OPCML: variants seen among roughly 807,000 people sequenced by gnomAD.
The protein encoded by OPCML is opioid binding protein/cell adhesion molecule like.
Under a neutral mutation model 37.8 loss-of-function variants are expected in OPCML, and 13 were observed. The observed-to-expected ratio is 0.34, with a 90% CI of 0.22 to 0.55. The LOEUF (loss-of-function observed/expected upper bound fraction) is 0.55. Ranked by LOEUF, OPCML falls within the 20% of genes least tolerant of loss-of-function variation. The probability of loss-of-function intolerance (pLI) is 0.91; values close to 1 mark genes in which losing one functional copy is unlikely to be tolerated. For missense variants in OPCML, 341 were observed against 435.6 expected, an observed-to-expected ratio of 0.78 and a Z score of 1.93; for synonymous variants, 176 against 168.8, an observed-to-expected ratio of 1.04 and a Z score of -0.33.
chr11:132,993,149 A>G (rs966518407), intron 1 of OPCML, among the ~76,000 whole-genome samples: 1 of 152,118 alleles, frequency 6.6e-6, no homozygotes, highest in Non-Finnish European at 1.5e-5. Context: ...CAATATAACT[A>G]TGTCATCCTT....
In OPCML at chr11:133,405,643, C is replaced by G. The variant is rs749781784; in HGVS notation, c.61+126621G>C. ...TTTCTTTTGCGTGATCTGGCTCTAGCGCTGGGGGAAGCAGAGCTTTGAGGC... is the reference window on the plus strand; with the variant it reads ...TTTCTTTTGCGTGATCTGGCTCTAGGGCTGGGGGAAGCAGAGCTTTGAGGC... On this transcript the variant is annotated intron_variant, in intron 1 of 7. Transcript: ENST00000524381. 2.6e-5 allele frequency among the ~76,000 whole-genome samples: 4 copies of G among 152,226 alleles called. No individual in the cohort carries two copies. The East Asian group carries it at 7.8e-4, about 30-fold the overall frequency.
rs115712243 is a variant in OPCML, at chr11:133,517,213, T to A, written c.61+15051A>T. Among the ~76,000 whole-genome samples, 365 of 152,380 alleles carry A rather than the reference T, an allele frequency of 2.4e-3. 2 individuals are homozygous for A. The highest frequency in any genetic ancestry group is 8.3e-3 in the African/African-American group (345 of 41,592). On this transcript the variant is annotated intron_variant, in intron 1 of 7. Transcript: ENST00000524381. Reference sequence around the variant, plus strand: ...AGGAATATCAGAATTCCTACTTTTATCTATTTTTATCTTACTCTTTTTATC... The same window carrying A: ...AGGAATATCAGAATTCCTACTTTTAACTATTTTTATCTTACTCTTTTTATC...
intron 1 of OPCML, among the ~76,000 whole-genome samples, chr11:133,495,080 C>T (rs114420394): frequency 0.022 from 3,394 of 151,974 alleles, 121 homozygotes; most frequent in African/African-American, 0.077. Flanking sequence ...CCCAAGTCAC[C>T]GAAGTTCATT....
intron 2 of OPCML, among the ~76,000 whole-genome samples, chr11:132,746,311 GTTTGT>G (rs1945634319): frequency 6.6e-6 from 1 of 151,166 alleles, no homozygotes; most frequent in Non-Finnish European, 1.5e-5. Flanking sequence ...TTTGTTTGTT[GTTTGT>G]TTTAACAAAA....
At position 133,359,375 on chromosome 11, in the gene OPCML, T is replaced by A. The variant is rs573211445; in HGVS notation, c.61+172889A>T. 2.6e-5 allele frequency among the ~76,000 whole-genome samples: 4 copies of A among 152,290 alleles called. No homozygotes were observed. In the South Asian group the frequency reaches 8.3e-4, roughly 32 times the overall value. ...TGTTCACATTCATGAGGATGCCATA[T>A]CCTAATGATGTTGTCTTGGAAGTGA... On this transcript the variant is annotated intron_variant, in intron 1 of 7. Transcript: ENST00000524381.
At chr11:132,499,187 G>T (rs1054936220) in intron 4 of OPCML, among the ~76,000 whole-genome samples, 6 of 152,202 alleles carry the variant, frequency 3.9e-5, no homozygotes, top group Non-Finnish European at 7.3e-5. Context: ...GGTGCAGGGA[G>T]CTGAGGAAAG....
chr11:133,080,382 G>T (rs1298523941), intron 1 of OPCML, among the ~76,000 whole-genome samples: 1 of 152,062 alleles, frequency 6.6e-6, no homozygotes, highest in Non-Finnish European at 1.5e-5. Flanking sequence ...CGGTGAGTAG[G>T]AAGGCCCTAA....
At chr11:132,947,287 C>T (rs1945765029) in intron 1 of OPCML, among the ~76,000 whole-genome samples, 2 of 152,178 alleles carry the variant, frequency 1.3e-5, no homozygotes, top group Non-Finnish European at 2.9e-5. Flanking sequence ...TGGGCAGAAG[C>T]GAGGTGTAAA....
chr11:133,077,480 T>A (rs1175347214), intron 1 of OPCML, among the ~76,000 whole-genome samples: 3 of 152,154 alleles, frequency 2.0e-5, no homozygotes, highest in Non-Finnish European at 4.4e-5. Context: ...AAAGTGAAAT[T>A]ATAAAATCAA....
At chr11:132,462,997 A>C (rs2096107956) in intron 4 of OPCML, among the ~76,000 whole-genome samples, 1 of 152,196 alleles carries the variant, frequency 6.6e-6, no homozygotes, top group Admixed American at 6.5e-5. Context: ...CCACATCAGA[A>C]GTGATAGAAC....
chr11:133,438,004 T>TA (rs1207459643), intron 1 of OPCML, among the ~76,000 whole-genome samples: 3 of 151,554 alleles, frequency 2.0e-5, no homozygotes, highest in African/African-American at 7.3e-5. Flanking sequence ...TCCCATAAAA[T>TA]AAAAAACAAA....
rs1313539133 is a variant in OPCML at position 133,208,791 on chromosome 11, A to T, written c.62-265781T>A. ...TTCTCTAGGACCAAAGGGATACACC[A>T]AGTGCTGGAGTGAAGATATAAGACT... On this transcript the variant is annotated intron_variant, in intron 1 of 7. Coordinates refer to ENST00000524381, the MANE Select transcript of OPCML (RefSeq NM_001012393.5). This position sits in a 1 kb window ranked among gnomAD's most constrained non-coding sequence, Gnocchi z 8.9. Among the ~76,000 whole-genome samples the T allele has an allele frequency of 6.6e-6, 1 of 152,160 alleles. No individual in the cohort carries two copies. Among genetic ancestry groups the T allele is most frequent in the African/African-American group, 2.4e-5 (1 of 41,438 alleles).
intron 2 of OPCML, among the ~76,000 whole-genome samples, chr11:132,927,743 T>C (rs796141609): frequency 1.8e-4 from 27 of 152,154 alleles, no homozygotes; most frequent in African/African-American, 6.5e-4. Context: ...ATTTAAAATA[T>C]AAAACTATAC....
intron 1 of OPCML, among the ~76,000 whole-genome samples, chr11:133,216,711 G>A (rs1385352268): frequency 6.6e-6 from 1 of 152,130 alleles, no homozygotes; most frequent in East Asian, 1.9e-4. Context: ...TTCAAACTTG[G>A]AACTATCTAA....
At chr11:133,002,177 G>A (rs564451758) in intron 1 of OPCML, among the ~76,000 whole-genome samples, 2 of 152,316 alleles carry the variant, frequency 1.3e-5, no homozygotes, top group African/African-American at 4.8e-5. Context: ...AATGGATCTA[G>A]GCACTTTCCC....
chr11:133,421,678 T>C (rs548748951), intron 1 of OPCML: 6 of 985,294 alleles, frequency 6.1e-6, no homozygotes, highest in Non-Finnish European at 6.0e-6. Context: ...CCTTTATTTA[T>C]TGAAACTTGC....
intron 1 of OPCML, among the ~76,000 whole-genome samples, chr11:132,972,293 G>A (rs1946361873): frequency 6.6e-6 from 1 of 152,136 alleles, no homozygotes; most frequent in African/African-American, 2.4e-5. Flanking sequence ...CTTGATGACT[G>A]GGCAAGCCAT....
intron 1 of OPCML, among the ~76,000 whole-genome samples, chr11:133,227,109 G>A (rs892538377): frequency 2.0e-5 from 3 of 151,978 alleles, no homozygotes; most frequent in African/African-American, 7.3e-5. Flanking sequence ...ACCAGCCTTC[G>A]CCCCTGCACA....
chr11:133,327,467 T>C (rs574683980), intron 1 of OPCML, among the ~76,000 whole-genome samples: 1 of 152,062 alleles, frequency 6.6e-6, no homozygotes, highest in South Asian at 2.1e-4. Flanking sequence ...GTCAGATTCC[T>C]AGACAGGGAG....
Sources: allele counts gnomAD v4.1 joint callset (sites outside exome capture counted in the v4.1 genomes callset), GRCh38; gene constraint gnomAD v4.1.1; non-coding constraint Gnocchi (gnomAD v3.1); transcripts MANE v1.5; gene names NCBI Gene and HGNC (gene_info 2026-07-23, HGNC 2026-07-21).